The following CYTH2 variants were observed in gnomAD, a reference collection of about 807,000 sequenced individuals.
CYTH2 encodes cytohesin-2.
Under a neutral mutation model 55.4 loss-of-function variants are expected in CYTH2, and 24 were observed. That is an observed-to-expected ratio of 0.43 (90% CI 0.31 to 0.61). The LOEUF is 0.61. CYTH2 is among the 20% of genes least tolerant of loss of function. The pLI is 0.08. For missense variants in CYTH2, 378 were observed against 533.5 expected (o/e 0.71, Z 2.87); for synonymous variants, 221 against 209.6 (o/e 1.05, Z -0.47).
At chr19:48,472,239 G>T in intron 3 of CYTH2, 86 bp from the exon 4 acceptor site, 1 of 1,175,812 alleles carries the variant, frequency 8.5e-7, no homozygotes, top group South Asian at 1.3e-5. Context: ...TGAGGGTGGG[G>T]GTAGGTCTGG....
intron 1 of CYTH2, 85 bp downstream of exon 1, chr19:48,469,611 CGCG>C: frequency 7.6e-7 from 1 of 1,315,850 alleles, no homozygotes; most frequent in African/African-American, 1.5e-5. Context: ...CCCCCTGGCG[CGCG>C]GCGCCCAGAA....
At position 48,478,365 on chromosome 19, in the gene CYTH2, A is replaced by G; in HGVS notation, c.957+19A>G. ...GAAACCGGTAAGACCCTCTCTGTAC[A>G]CCTTCCTGCCAGGGCGGGGCCTCCT... On this transcript the variant is annotated intron_variant, in intron 10 of 11. Transcript: ENST00000452733. 1 of 1,613,692 alleles carries G rather than the reference A, an allele frequency of 6.2e-7. No individual in the cohort carries two copies. The highest frequency in any genetic ancestry group is 1.3e-5 in the African/African-American group (1 of 74,948).
At chr19:48,475,260 G>C in intron 8 of CYTH2, 2 of 338,426 alleles carry the variant, frequency 5.9e-6, no homozygotes, top group Non-Finnish European at 5.4e-6. Context: ...TTTCGTGGGA[G>C]AAGAGTTCAC....
chr19:48,482,231 A>C lies in CYTH2; in HGVS notation c.*3021A>C, dbSNP rs1377695555. 1.3e-5 allele frequency: 2 copies of C among 152,168 alleles called. No homozygotes were observed. Among genetic ancestry groups the C allele is most frequent in the African/African-American group, 4.8e-5 (2 of 41,406 alleles). 9.4% of individuals were successfully genotyped at this position (152,168 alleles called of 1,614,324 possible). On this transcript the variant is annotated 3_prime_UTR_variant, in exon 12 of 12. Transcript: ENST00000452733. Reference sequence around the variant, plus strand: ...CCAGCCTCAGGTCTTCTGTCAGAGCAACACAAAATGGACTCAGCACGGATC... The same window carrying C: ...CCAGCCTCAGGTCTTCTGTCAGAGCCACACAAAATGGACTCAGCACGGATC...
Position 48,479,968 on chromosome 19 carries a change from C to CAA in CYTH2, c.*760_*761dup, listed in dbSNP as rs1429287067. ...TGCCAGAGCCAGGCTTGTCTGTTCT[C>CAA]AAAGGATCAGCCTCCTTTGGAGGAC... On this transcript the variant is annotated 3_prime_UTR_variant, in exon 12 of 12. Coordinates refer to ENST00000452733, the MANE Select transcript of CYTH2 (RefSeq NM_004228.7). The CAA allele has an allele frequency of 6.6e-6, 1 of 152,392 alleles. No homozygotes were observed. The highest frequency in any genetic ancestry group is 1.5e-5 in the Non-Finnish European group (1 of 68,188). 9.4% of individuals were successfully genotyped at this position (152,392 alleles called of 1,614,324 possible).
chr19:48,475,010 T>C, intron 8 of CYTH2, 61 bp downstream of exon 8: 1 of 1,478,444 alleles, frequency 6.8e-7, no homozygotes, highest in East Asian at 2.3e-5. Context: ...GCCTGGGCCC[T>C]GGACTCAGCT....
Position 48,479,787 on chromosome 19 carries a change from A to T in CYTH2, c.*577A>T, listed in dbSNP as rs1403662077. On this transcript the variant is annotated 3_prime_UTR_variant, in exon 12 of 12. Transcript: ENST00000452733. ...TGTGAGCTGGGCCAGGGCTTTGAGGACAACCTGGAGCTGGAAGAACATGCG... is the reference window on the plus strand; with the variant it reads ...TGTGAGCTGGGCCAGGGCTTTGAGGTCAACCTGGAGCTGGAAGAACATGCG... 2 of 156,006 alleles carry T rather than the reference A, an allele frequency of 1.3e-5. No individual in the cohort carries two copies. Among genetic ancestry groups the T allele is most frequent in the African/African-American group, 4.8e-5 (2 of 41,448 alleles). The allele number at this position is 156,006 out of a possible 1,614,324, so 9.7% of individuals were successfully genotyped here.
At chr19:48,475,194 C>G (rs1971886843) in intron 8 of CYTH2, 1 of 500,236 alleles carries the variant, frequency 2.0e-6, no homozygotes, top group Non-Finnish European at 3.5e-6. Context: ...TGGAGCCCTT[C>G]TGTGCCAGGC....
At chr19:48,475,116 G>A (rs2087735692) in intron 8 of CYTH2, 167 bp downstream of exon 8, 1 of 624,476 alleles carries the variant, frequency 1.6e-6, no homozygotes. Flanking sequence ...AATAAAATCA[G>A]GCCTGTGTGC....
At position 48,472,447 on chromosome 19, in the gene CYTH2, C is replaced by G; in HGVS notation, c.353+4C>G. 1.2e-6 allele frequency: 2 copies of G among 1,611,754 alleles called. No individual in the cohort carries two copies. The highest frequency in any genetic ancestry group is 2.2e-5 in the East Asian group (1 of 44,872). On this transcript the variant is annotated splice_donor_region_variant and intron_variant, in intron 4 of 11. Transcript: ENST00000452733. ...TCGGGGACTACCTGGGGGAGAGGTA[C>G]GGTCACCACTCAGCTCCTGTGGGGC... is the stretch of plus-strand genomic sequence containing the variant.
At chr19:48,477,835 C>G in intron 8 of CYTH2, 1 of 531,394 alleles carries the variant, frequency 1.9e-6, no homozygotes, top group Non-Finnish European at 3.4e-6. Context: ...GCTCAGGCTC[C>G]TGGGCTGGGA....
intron 8 of CYTH2, 152 bp downstream of exon 8, chr19:48,475,101 C>T: frequency 1.5e-6 from 1 of 661,872 alleles, no homozygotes; most frequent in East Asian, 2.8e-5. Context: ...AAAAATGGGG[C>T]TGAAAATAAA....
chr19:48,477,897 G>C (rs1022189933), intron 8 of CYTH2, 172 bp from the exon 9 acceptor site: 2 of 581,482 alleles, frequency 3.4e-6, no homozygotes, highest in Admixed American at 6.0e-5. Flanking sequence ...ACGATTCCTG[G>C]AGCCCCAACA....
At chr19:48,469,713 C>T in intron 1 of CYTH2, 187 bp downstream of exon 1, 1 of 953,340 alleles carries the variant, frequency 1.0e-6, no homozygotes, top group Non-Finnish European at 1.5e-6. Flanking sequence ...GCGTTCCAGG[C>T]CATTGTTTGG....
At chr19:48,469,873 T>C (rs1009548578) in intron 1 of CYTH2, 3 of 535,570 alleles carry the variant, frequency 5.6e-6, no homozygotes, top group Non-Finnish European at 1.1e-5. Context: ...GGGAGAAATC[T>C]TGGGGGGCGG....
intron 8 of CYTH2, 187 bp downstream of exon 8, chr19:48,475,136 C>T: frequency 1.7e-6 from 1 of 586,240 alleles, no homozygotes; most frequent in East Asian, 2.9e-5. Flanking sequence ...CTGGGCCTGG[C>T]CTGTAGTAAG....
intron 11 of CYTH2, 91 bp from the exon 12 acceptor site, chr19:48,479,031 CG>C: frequency 7.6e-7 from 1 of 1,309,408 alleles, no homozygotes. Context: ...GAGGAGGGGC[CG>C]GGGGTCTGAG....
chr19:48,479,811 C>A lies in CYTH2; in HGVS notation c.*601C>A, dbSNP rs117703539. On this transcript the variant is annotated 3_prime_UTR_variant, in exon 12 of 12. Transcript: ENST00000452733. ...GACAACCTGGAGCTGGAAGAACATG[C>A]GACCACCTCAGGGAGGGTCAGGGAA... The A allele has an allele frequency of 7.1e-5, 11 of 155,114 alleles. No homozygotes were observed. In the South Asian group the frequency reaches 1.6e-3, roughly 22 times the overall value. The allele number at this position is 155,114 out of a possible 1,614,324, so 9.6% of individuals were successfully genotyped here.
chr19:48,473,507 G>C (rs1199802949), intron 5 of CYTH2, 129 bp downstream of exon 5: 1 of 914,834 alleles, frequency 1.1e-6, no homozygotes, highest in Non-Finnish European at 1.7e-6. Flanking sequence ...AGGGAACTGA[G>C]TGTGTCCTGC....
Sources: gnomAD v4.1 joint callset for allele counts on GRCh38, gnomAD v4.1.1 for gene constraint, MANE v1.5 for transcripts, NCBI Gene and HGNC (gene_info 2026-07-23, HGNC 2026-07-21) for gene names.